Variants in ASIC2 observed in about 807,000 individuals in gnomAD.
The protein encoded by ASIC2 is acid-sensing ion channel 2.
In ASIC2, 25 loss-of-function variants were observed where a neutral mutation model predicts 57.3. The observed-to-expected ratio is 0.44, with a 90% confidence interval of 0.32 to 0.61. The LOEUF (loss-of-function observed/expected upper bound fraction) is 0.61, where lower values mean the gene tolerates loss of function less well. Among genes scored for constraint, ASIC2 ranks in the 20% least tolerant of loss-of-function variants. The pLI is 0.06. For missense variants in ASIC2, 641 were observed against 738.1 expected (o/e 0.87, Z 1.52); for synonymous variants, 319 against 307.5 (o/e 1.04, Z -0.39).
Position 33,698,431 on chromosome 17 carries a change from C to T in ASIC2, c.555+457547G>A, listed in dbSNP as rs577030536. On this transcript the variant is annotated intron_variant, in intron 1 of 9. Coordinates refer to the ASIC2 transcript ENST00000359872. ...GTCTGGCACATAGGAAGTTTTCAAA[C>T]GTTATTATTAGCTGTCATTTTTTTT... is the stretch of plus-strand genomic sequence containing the variant. Among the ~76,000 whole-genome samples the T allele has an allele frequency of 2.0e-5, 3 of 152,234 alleles. No individual in the cohort carries two copies. In the South Asian group the frequency reaches 6.2e-4, roughly 32 times the overall value.
chr17:34,067,437 A>G (rs1221432711), intron 1 of ASIC2, among the ~76,000 whole-genome samples: 2 of 152,202 alleles, frequency 1.3e-5, no homozygotes, highest in Non-Finnish European at 2.9e-5. Flanking sequence ...GATCAGTAAT[A>G]CTGATCCAGT....
intron 1 of ASIC2, among the ~76,000 whole-genome samples, chr17:33,203,592 G>A (rs960364629): frequency 3.3e-5 from 5 of 152,094 alleles, no homozygotes; most frequent in Non-Finnish European, 5.9e-5. Context: ...CAACTGAGGC[G>A]AGATGCTAAT....
chr17:33,257,570 G>A (rs1035299546), intron 1 of ASIC2, among the ~76,000 whole-genome samples: 1 of 152,232 alleles, frequency 6.6e-6, no homozygotes, highest in Non-Finnish European at 1.5e-5. Flanking sequence ...TCCCACCCCT[G>A]TGCACGTTCT....
At chr17:33,262,771 T>C (rs910195433) in intron 1 of ASIC2, among the ~76,000 whole-genome samples, 3 of 152,198 alleles carry the variant, frequency 2.0e-5, no homozygotes, top group Non-Finnish European at 4.4e-5. Context: ...TCACACATTG[T>C]GCTGAGTGCT....
At chr17:33,844,685 A>T (rs749350557) in intron 1 of ASIC2, among the ~76,000 whole-genome samples, 17 of 152,244 alleles carry the variant, frequency 1.1e-4, no homozygotes, top group Non-Finnish European at 1.9e-4. Flanking sequence ...CCAGCAAAGG[A>T]AGAAATAAAT....
At chr17:33,218,651 C>T (rs1424895077) in intron 1 of ASIC2, among the ~76,000 whole-genome samples, 1 of 152,168 alleles carries the variant, frequency 6.6e-6, no homozygotes. Flanking sequence ...GGAGCAGGAG[C>T]ATGACTCTAT....
chr17:34,081,533 C>A (rs1016143472), intron 1 of ASIC2, among the ~76,000 whole-genome samples: 3 of 152,100 alleles, frequency 2.0e-5, no homozygotes, highest in African/African-American at 7.2e-5. Context: ...ATTATTGGGC[C>A]CTTGGGTCAT....
chr17:33,661,542 G>A (rs1333396988), intron 1 of ASIC2, among the ~76,000 whole-genome samples: 1 of 152,160 alleles, frequency 6.6e-6, no homozygotes, highest in Non-Finnish European at 1.5e-5. Flanking sequence ...TCTGGACCTC[G>A]GTTTCCCTAT....
intron 1 of ASIC2, among the ~76,000 whole-genome samples, chr17:33,995,967 A>G (rs1906146899): frequency 6.6e-6 from 1 of 152,152 alleles, no homozygotes; most frequent in Non-Finnish European, 1.5e-5. Context: ...TCCCACCAAC[A>G]GCGTACAAGG....
At chr17:33,429,267 T>A (rs184774491) in intron 1 of ASIC2, among the ~76,000 whole-genome samples, 2 of 152,348 alleles carry the variant, frequency 1.3e-5, no homozygotes, top group Non-Finnish European at 2.9e-5. Flanking sequence ...AAGGAGCTTT[T>A]GGCTTAGTAG....
At chr17:34,155,150 G>A (rs991651726) in intron 1 of ASIC2, among the ~76,000 whole-genome samples, 8 of 151,686 alleles carry the variant, frequency 5.3e-5, no homozygotes, top group Middle Eastern at 3.4e-3. Context: ...CATCCACGTC[G>A]TTAAGTGATT....
chr17:33,106,657 A>G (rs988277063), intron 2 of ASIC2, among the ~76,000 whole-genome samples: 18 of 152,112 alleles, frequency 1.2e-4, no homozygotes, highest in African/African-American at 4.3e-4. Flanking sequence ...TAGGACTATT[A>G]CAGGGTCTCA....
At chr17:33,961,781 CT>C (rs1904930718) in intron 1 of ASIC2, among the ~76,000 whole-genome samples, 1 of 152,106 alleles carries the variant, frequency 6.6e-6, no homozygotes, top group Admixed American at 6.5e-5. Flanking sequence ...GTAGCCCTGG[CT>C]GCCCCTTCAG....
chr17:33,163,713 A>G (rs1905226740), intron 1 of ASIC2, among the ~76,000 whole-genome samples: 1 of 152,122 alleles, frequency 6.6e-6, no homozygotes, highest in Non-Finnish European at 1.5e-5. Context: ...AGCGAGGTAG[A>G]CAACCAACAA....
intron 1 of ASIC2, among the ~76,000 whole-genome samples, chr17:33,384,178 C>A (rs1236604607): frequency 2.0e-5 from 3 of 152,128 alleles, no homozygotes; most frequent in Non-Finnish European, 4.4e-5. Context: ...CATCTCAAAT[C>A]CAAGAAACCT....
At chr17:33,580,052 G>T (rs966104310) in intron 1 of ASIC2, 1 of 152,106 alleles carries the variant, frequency 6.6e-6, no homozygotes, top group African/African-American at 2.4e-5. Context: ...AGACAGAAAA[G>T]TTCCCCAAGT....
At chr17:33,499,731 A>T (rs1401554112) in intron 1 of ASIC2, among the ~76,000 whole-genome samples, 2 of 152,236 alleles carry the variant, frequency 1.3e-5, no homozygotes, top group African/African-American at 4.8e-5. Flanking sequence ...AGTGACACGT[A>T]ACTTTTGCAG....
At chr17:33,304,672 C>T (rs114344029) in intron 1 of ASIC2, among the ~76,000 whole-genome samples, 10 of 152,082 alleles carry the variant, frequency 6.6e-5, no homozygotes, top group Admixed American at 6.5e-5. Context: ...CCAGGATCCC[C>T]GCCTTAGTCT....
intron 1 of ASIC2, among the ~76,000 whole-genome samples, chr17:33,601,969 C>T (rs1905124934): frequency 6.6e-6 from 1 of 152,256 alleles, no homozygotes; most frequent in Non-Finnish European, 1.5e-5. Context: ...CATATCTATC[C>T]TGTGCCTGTC....
Sources: allele counts gnomAD v4.1 joint callset (sites outside exome capture counted in the v4.1 genomes callset), GRCh38; gene constraint gnomAD v4.1.1; transcripts MANE v1.5; gene names NCBI Gene and HGNC (gene_info 2026-07-23, HGNC 2026-07-21).